TOLLIP: variants seen among roughly 807,000 people sequenced by gnomAD.
TOLLIP encodes toll-interacting protein.
TOLLIP carries 16 observed loss-of-function variants against 33.5 expected under a neutral mutation model. The ratio of observed to expected loss-of-function variants is 0.48; its 90% confidence interval spans 0.32 to 0.72. TOLLIP has a LOEUF of 0.72. Among genes scored for constraint, TOLLIP ranks in the 30% least tolerant of loss-of-function variants. The pLI, the probability that TOLLIP is intolerant of heterozygous loss-of-function variation, is 0.03. For missense variants in TOLLIP, 325 were observed against 396.6 expected, an observed-to-expected ratio of 0.82 and a Z score of 1.53; for synonymous variants, 176 against 163.7, an observed-to-expected ratio of 1.07 and a Z score of -0.57.
At chr11:1,295,091 C>A (rs1310244129) in intron 2 of TOLLIP, among the ~76,000 whole-genome samples, 16 of 151,946 alleles carry the variant, frequency 1.1e-4, no homozygotes. Flanking sequence ...CGAAAGCCTG[C>A]GTGGCTCACA....
intron 1 of TOLLIP, among the ~76,000 whole-genome samples, chr11:1,297,698 CA>C (rs1165354069): frequency 2.0e-5 from 3 of 152,278 alleles, no homozygotes; most frequent in Non-Finnish European, 4.4e-5. Context: ...TGGCATAGGC[CA>C]GGGCCCGGAG....
At chr11:1,288,264 C>A (rs1465589047) in intron 4 of TOLLIP, among the ~76,000 whole-genome samples, 3 of 152,214 alleles carry the variant, frequency 2.0e-5, no homozygotes, top group Admixed American at 6.5e-5. Context: ...GTATCTCAGA[C>A]CCTGGAGGGC....
At chr11:1,281,289 T>A (rs548271786) in intron 5 of TOLLIP, among the ~76,000 whole-genome samples, 1 of 152,332 alleles carries the variant, frequency 6.6e-6, no homozygotes, top group African/African-American at 2.4e-5. Flanking sequence ...TCCTCACTGA[T>A]GCGGTCACAC....
intron 2 of TOLLIP, chr11:1,295,228 G>A (rs5743935): frequency 1.0e-3 from 168 of 164,420 alleles, no homozygotes; most frequent in African/African-American, 3.3e-3. Context: ...GAGGCTGACC[G>A]AGGGCTGCTC....
intron 1 of TOLLIP, among the ~76,000 whole-genome samples, chr11:1,296,126 C>A (rs574582790): frequency 3.3e-5 from 5 of 152,218 alleles, no homozygotes; most frequent in African/African-American, 9.6e-5. Flanking sequence ...TGTGTGCCCA[C>A]GGCTTCTTTC....
rs1217646197 is a variant in TOLLIP, at chr11:1,288,780, CGGGAGACAAGA to C, written c.367-15_367-5del. On this transcript the variant is annotated splice_polypyrimidine_tract_variant and splice_region_variant and intron_variant, in intron 3 of 5. Transcript: ENST00000317204. ...GGTCGTCCATGGAGAAGGCTCTCTGCGGGAGACAAGAGGGAGAGGCCCCAGGCATCAGGGAA... is the reference window on the plus strand; with the variant it reads ...GGTCGTCCATGGAGAAGGCTCTCTGCGGGAGAGGCCCCAGGCATCAGGGAA... The C allele has an allele frequency of 2.8e-5, 45 of 1,610,448 alleles. No individual in the cohort carries two copies. Among genetic ancestry groups the C allele is most frequent in the Non-Finnish European group, 3.8e-5 (45 of 1,178,592 alleles).
At chr11:1,287,191 C>CT (rs762922260) in intron 4 of TOLLIP, among the ~76,000 whole-genome samples, 1 of 152,242 alleles carries the variant, frequency 6.6e-6, no homozygotes, top group Non-Finnish European at 1.5e-5. Flanking sequence ...ACTGTCGTCT[C>CT]TGAGTTCGAA....
intron 3 of TOLLIP, chr11:1,289,979 G>A (rs1358997153): frequency 9.8e-6 from 5 of 512,426 alleles, no homozygotes; most frequent in African/African-American, 1.9e-5. Context: ...ACACGTGCAC[G>A]CTGTATCCCT....
At chr11:1,280,913 C>T (rs1053443936) in intron 5 of TOLLIP, among the ~76,000 whole-genome samples, 7 of 152,188 alleles carry the variant, frequency 4.6e-5, no homozygotes, top group African/African-American at 1.7e-4. Flanking sequence ...GGCTGAGGCC[C>T]AGTGGCACCC....
In TOLLIP at chr11:1,278,664, C is replaced by T. The variant is rs1863389161; in HGVS notation, c.611-1411G>A. On this transcript the variant is annotated intron_variant, in intron 5 of 5. Transcript: ENST00000317204. The surrounding 1 kb of genome is among the most constrained non-coding windows in gnomAD (Gnocchi z 4.7). ...GGGCCAGGCCCACCTTTCCTCCACA[C>T]CCACACCTGCCTCTTGTCCTGGCCA... is the stretch of plus-strand genomic sequence containing the variant. 6.6e-6 allele frequency among the ~76,000 whole-genome samples: 1 copy of T among 152,216 alleles called. No individual in the cohort carries two copies. The highest frequency in any genetic ancestry group is 2.4e-5 in the African/African-American group (1 of 41,452).
At chr11:1,288,902 C>T (rs1863839319) in intron 3 of TOLLIP, 126 bp from the exon 4 acceptor site, 2 of 1,033,638 alleles carry the variant, frequency 1.9e-6, no homozygotes, top group African/African-American at 3.2e-5. Flanking sequence ...CCACCTGCAC[C>T]AACACCCCAT....
At chr11:1,301,879 G>A (rs1329612964) in intron 1 of TOLLIP, among the ~76,000 whole-genome samples, 1 of 152,242 alleles carries the variant, frequency 6.6e-6, no homozygotes, top group African/African-American at 2.4e-5. Flanking sequence ...GAACATCTAG[G>A]GATATGGGCG....
intron 1 of TOLLIP, chr11:1,302,787 G>C (rs1864321097): frequency 1.0e-6 from 1 of 985,486 alleles, no homozygotes; most frequent in South Asian, 4.7e-5. Context: ...TCCCACGCCA[G>C]TGTGGACGGG....
At chr11:1,304,698 A>G (rs975761294) in intron 1 of TOLLIP, among the ~76,000 whole-genome samples, 2 of 152,226 alleles carry the variant, frequency 1.3e-5, no homozygotes, top group Non-Finnish European at 2.9e-5. Flanking sequence ...TACCATTTCC[A>G]GGGGAGCCCC....
rs1280618127 is a variant in TOLLIP, at chr11:1,286,089, G to A, written c.523C>T (p.Leu175Phe). Residue 175 changes from leucine to phenylalanine, a missense_variant, in exon 5 of 6, where the codon CTT becomes TTT. Coordinates refer to ENST00000317204, the MANE Select transcript of TOLLIP (RefSeq NM_019009.4). The stretch of plus-strand genomic sequence containing the variant: ...GGTGGCATCACCATGGCAGCTGGAA[G>A]CAGCTGAAACACAGCGGAGATGGTC... ...MINLVMSYAL[L>F]PAAMVMPPQP... 6.3e-7 allele frequency: 1 copy of A among 1,595,194 alleles called. No individual in the cohort carries two copies. Among genetic ancestry groups the A allele is most frequent in the Admixed American group, 1.8e-5 (1 of 56,260 alleles).
Position 1,290,778 on chromosome 11 carries a change from G to C in TOLLIP, c.184-369C>G, listed in dbSNP as rs915725144. The C allele has an allele frequency of 4.4e-5, 9 of 206,542 alleles. No individual in the cohort carries two copies. In the Admixed American group the frequency reaches 4.8e-4, roughly 11 times the overall value. The allele number at this position is 206,542 out of a possible 1,614,324, so 12.8% of individuals were successfully genotyped here. On this transcript the variant is annotated intron_variant, in intron 2 of 5. Coordinates refer to ENST00000317204, the MANE Select transcript of TOLLIP (RefSeq NM_019009.4). The surrounding 1 kb of genome is among the most constrained non-coding windows in gnomAD (Gnocchi z 4.9). Reference sequence around the variant, plus strand: ...AGGAGGTCCCGGGACAGAGCTGAGAGCCAGAGCATGACATGGAGTGTGAAC... The same window carrying C: ...AGGAGGTCCCGGGACAGAGCTGAGACCCAGAGCATGACATGGAGTGTGAAC...
chr11:1,309,525 C>T lies in TOLLIP; in HGVS notation c.-27G>A, dbSNP rs1395276148. Reference sequence around the variant, plus strand: ...GTGCTGCGGCGGCCCCCGTGGCTCGCCGACCCGACAGTGACGCGCCGGGCG... The same window carrying T: ...GTGCTGCGGCGGCCCCCGTGGCTCGTCGACCCGACAGTGACGCGCCGGGCG... On this transcript the variant is annotated 5_prime_UTR_variant, in exon 1 of 6. Coordinates refer to ENST00000317204, the MANE Select transcript of TOLLIP (RefSeq NM_019009.4). The T allele has an allele frequency of 7.8e-7, 1 of 1,286,846 alleles. No individual in the cohort carries two copies. The allele number at this position is 1,286,846 out of a possible 1,614,324, so 79.7% of individuals were successfully genotyped here.
chr11:1,306,456 G>C (rs908633787), intron 1 of TOLLIP, among the ~76,000 whole-genome samples: 1 of 152,064 alleles, frequency 6.6e-6, no homozygotes, highest in South Asian at 2.1e-4. Flanking sequence ...TCCTGCCCCC[G>C]GACCCTGGGG....
chr11:1,287,357 G>A (rs1214576303), intron 4 of TOLLIP, among the ~76,000 whole-genome samples: 13 of 151,304 alleles, frequency 8.6e-5, no homozygotes, highest in Non-Finnish European at 5.9e-5. Context: ...GGGGGTGGGA[G>A]GAGCCAAGAT....
Sources: gnomAD v4.1 joint callset for allele counts (sites outside exome capture counted in the v4.1 genomes callset) on GRCh38, gnomAD v4.1.1 for gene constraint, Gnocchi (gnomAD v3.1) non-coding constraint, MANE v1.5 for transcripts, NCBI Gene and HGNC (gene_info 2026-07-23, HGNC 2026-07-21) for gene names.